IRF2: variants seen among roughly 807,000 people sequenced by gnomAD.
IRF2 encodes the protein interferon regulatory factor 2.
Under a neutral mutation model 40.6 loss-of-function variants are expected in IRF2, and 15 were observed. The observed-to-expected ratio is 0.37, with a 90% confidence interval of 0.25 to 0.57. IRF2 has a LOEUF of 0.57. Ranked by LOEUF, IRF2 falls within the 20% of genes least tolerant of loss-of-function variation. The pLI is 0.77. For synonymous variants in IRF2, 151 were observed against 165.5 expected, an observed-to-expected ratio of 0.91 and a Z score of 0.67; for missense variants, 317 against 455.7, an observed-to-expected ratio of 0.70 and a Z score of 2.77.
At position 184,418,583 on chromosome 4, in the gene IRF2, C is replaced by G. The variant is rs1737364415; in HGVS notation, c.313G>C (p.Ala105Pro). 2 of 1,614,186 alleles carry G rather than the reference C, an allele frequency of 1.2e-6. No homozygotes were observed. Among genetic ancestry groups the G allele is most frequent in the Non-Finnish European group, 1.7e-6 (2 of 1,180,010 alleles). ...GGCAGCATTCGGTAGACCCTGAAGGCATTATTTCCTTTCTTTATGCTTTTA... is the reference window on the plus strand; with the variant it reads ...GGCAGCATTCGGTAGACCCTGAAGGGATTATTTCCTTTCTTTATGCTTTTA... ...KDKSIKKGNN[A>P]FRVYRMLPLS... Residue 105 changes from alanine to proline, a missense_variant, in exon 4 of 9, where the codon GCC (alanine) becomes CCC (proline). Physicochemically the swap from Ala to Pro is conservative, Grantham distance 27 (BLOSUM62 -1). Transcript: ENST00000393593.
At chr4:184,431,752 G>A (rs1737887989) in intron 1 of IRF2, among the ~76,000 whole-genome samples, 2 of 151,804 alleles carry the variant, frequency 1.3e-5, no homozygotes, top group African/African-American at 4.8e-5. Context: ...AGCTGAGCCT[G>A]AGCCTGGCAA....
At chr4:184,423,899 G>A (rs1737570745) in intron 2 of IRF2, among the ~76,000 whole-genome samples, 1 of 152,078 alleles carries the variant, frequency 6.6e-6, no homozygotes, top group Admixed American at 6.6e-5. Flanking sequence ...AGATTATTTG[G>A]GAATACTCAA....
chr4:184,449,301 G>T lies in IRF2; in HGVS notation c.-6-20231C>A, dbSNP rs142359438. ...CGTCTGTCACCCCTCAGCCTCAAGAGCATCCCCTCTCCCAAGCTAACTCTT... is the reference window on the plus strand; with the variant it reads ...CGTCTGTCACCCCTCAGCCTCAAGATCATCCCCTCTCCCAAGCTAACTCTT... On this transcript the variant is annotated intron_variant, in intron 1 of 8. Transcript: ENST00000393593. Among the ~76,000 whole-genome samples the T allele has an allele frequency of 5.7e-3, 862 of 152,260 alleles. 37 individuals are homozygous for T. Among genetic ancestry groups the T allele is most frequent in the Admixed American group, 0.052 (788 of 15,298 alleles).
chr4:184,418,562 G>C lies in IRF2; in HGVS notation c.334C>G (p.Leu112Val). 6.2e-7 allele frequency: 1 copy of C among 1,614,146 alleles called. No individual in the cohort carries two copies. Among genetic ancestry groups the C allele is most frequent in the Non-Finnish European group, 8.5e-7 (1 of 1,179,988 alleles). ...TTAGAAGGCCGTTCTGATAGGGGCA[G>C]CATTCGGTAGACCCTGAAGGCATTA... ...GNNAFRVYRMLPLSERPSKKG... is the reference protein window; with the variant it reads ...GNNAFRVYRMVPLSERPSKKG... Residue 112 changes from leucine (L) to valine (V), a missense_variant, in exon 4 of 9, where the codon CTG becomes GTG. Physicochemically the swap from Leu to Val is conservative, Grantham distance 32. Coordinates refer to ENST00000393593, the MANE Select transcript of IRF2 (RefSeq NM_002199.4).
intron 1 of IRF2, among the ~76,000 whole-genome samples, chr4:184,449,737 C>G (rs1040982395): frequency 4.6e-5 from 7 of 152,210 alleles, no homozygotes; most frequent in Non-Finnish European, 1.0e-4. Context: ...AAGATACAAT[C>G]TGGAATGTTG....
At chr4:184,432,347 A>T (rs1247888240) in intron 1 of IRF2, among the ~76,000 whole-genome samples, 27 of 152,208 alleles carry the variant, frequency 1.8e-4, no homozygotes, top group Admixed American at 1.8e-3. Flanking sequence ...ATGGCAGACA[A>T]GTGTTCTTTT....
intron 5 of IRF2, among the ~76,000 whole-genome samples, chr4:184,410,046 C>T (rs1480393732): frequency 2.6e-5 from 4 of 152,160 alleles, no homozygotes; most frequent in East Asian, 1.9e-4. Flanking sequence ...TTCCGGACTT[C>T]GCCTCTCCAC....
At position 184,417,007 on chromosome 4, in the gene IRF2, T is replaced by C. The variant is rs759626088; in HGVS notation, c.411+1160A>G. 5.3e-5 allele frequency among the ~76,000 whole-genome samples: 8 copies of C among 152,158 alleles called. No individual in the cohort carries two copies. In the South Asian group the frequency reaches 1.2e-3, roughly 24 times the overall value. ...GTTGCAATGAGCCAAGATCGCGCCA[T>C]TGCACTCCAGCCTGTGCCAATAGAG... On this transcript the variant is annotated intron_variant, in intron 5 of 8. Coordinates refer to ENST00000393593, the MANE Select transcript of IRF2 (RefSeq NM_002199.4).
At chr4:184,399,553 T>A (rs75729740) in intron 6 of IRF2, among the ~76,000 whole-genome samples, 1 of 152,222 alleles carries the variant, frequency 6.6e-6, no homozygotes, top group Non-Finnish European at 1.5e-5. Flanking sequence ...GGAAGGGCCA[T>A]GAAAATCTAC....
chr4:184,425,131 C>T (rs186424439), intron 2 of IRF2, among the ~76,000 whole-genome samples: 82 of 151,954 alleles, frequency 5.4e-4, no homozygotes, highest in African/African-American at 1.8e-3. Context: ...AAGTGAGTCC[C>T]ACAGCCCCAT....
At chr4:184,390,343 G>A (rs1736212224) in intron 8 of IRF2, among the ~76,000 whole-genome samples, 1 of 152,160 alleles carries the variant, frequency 6.6e-6, no homozygotes, top group Admixed American at 6.5e-5. Context: ...GACGTGTACT[G>A]GTCACTGCTT....
At chr4:184,461,896 C>T (rs1739161647) in intron 1 of IRF2, among the ~76,000 whole-genome samples, 1 of 152,140 alleles carries the variant, frequency 6.6e-6, no homozygotes, top group African/African-American at 2.4e-5. Context: ...AGGGACCTTC[C>T]TCGCAGGCTT....
At chr4:184,427,893 A>G (rs1422804681) in intron 2 of IRF2, among the ~76,000 whole-genome samples, 1 of 152,182 alleles carries the variant, frequency 6.6e-6, no homozygotes, top group Non-Finnish European at 1.5e-5. Context: ...AGATTAAAAA[A>G]GAAAAGGGGA....
intron 7 of IRF2, among the ~76,000 whole-genome samples, chr4:184,391,750 C>T (rs1220836173): frequency 6.6e-6 from 1 of 152,224 alleles, no homozygotes; most frequent in Non-Finnish European, 1.5e-5. Context: ...TCGCTTCAAG[C>T]CACTAAGTTT....
intron 1 of IRF2, among the ~76,000 whole-genome samples, chr4:184,473,216 G>A (rs2149922443): frequency 6.6e-6 from 1 of 151,216 alleles, no homozygotes; most frequent in East Asian, 2.0e-4. Flanking sequence ...GAGCCGGGTC[G>A]GAGGGCACGG....
chr4:184,421,229 G>A (rs1164346791), intron 2 of IRF2, among the ~76,000 whole-genome samples: 3 of 152,162 alleles, frequency 2.0e-5, no homozygotes, highest in African/African-American at 7.2e-5. Flanking sequence ...CCAGAACAAA[G>A]ACTATTTCAG....
chr4:184,397,862 G>A (rs995513606), intron 7 of IRF2, among the ~76,000 whole-genome samples: 1 of 152,228 alleles, frequency 6.6e-6, no homozygotes, highest in African/African-American at 2.4e-5. Flanking sequence ...ATCAGGAAGA[G>A]AGGAGAAGAT....
intron 2 of IRF2, among the ~76,000 whole-genome samples, chr4:184,422,527 C>T (rs760353499): frequency 5.3e-5 from 8 of 152,160 alleles, no homozygotes; most frequent in South Asian, 2.1e-4. Flanking sequence ...GGAAACAACC[C>T]GAGTGTCCAT....
Position 184,429,024 on chromosome 4 carries a change from T to A in IRF2, c.41A>T (p.Glu14Val). 1 of 1,614,128 alleles carries A rather than the reference T, an allele frequency of 6.2e-7. No homozygotes were observed. The highest frequency in any genetic ancestry group is 2.2e-5 in the East Asian group (1 of 44,890). The change falls in exon 2 of 9, where the codon GAG (glutamate) becomes GTG (valine). Residue 14 changes from glutamate (E) to valine (V), a missense_variant. Coordinates refer to ENST00000393593, the MANE Select transcript of IRF2 (RefSeq NM_002199.4). ...CGGGATCGTGTTGGAGTTTATCTGC[T>A]CCTCCAGCCACGGGCGCATGCGCAT... ...ERMRMRPWLEEQINSNTIPGL... is the reference protein window; with the variant it reads ...ERMRMRPWLEVQINSNTIPGL...
Sources: allele counts gnomAD v4.1 joint callset (sites outside exome capture counted in the v4.1 genomes callset), GRCh38; gene constraint gnomAD v4.1.1; transcripts MANE v1.5; gene names NCBI Gene and HGNC (gene_info 2026-07-23, HGNC 2026-07-21).